NADSYN1: variants seen among roughly 807,000 people sequenced by gnomAD.
The protein encoded by NADSYN1 is glutamine-dependent NAD(+) synthetase.
In NADSYN1, 80 loss-of-function variants were observed where a neutral mutation model predicts 99.3. The observed-to-expected ratio is 0.81, with a 90% CI of 0.67 to 0.97. NADSYN1 has a LOEUF of 0.97. Among genes scored for constraint, NADSYN1 ranks in the 50% least tolerant of loss-of-function variants. The pLI, the probability that NADSYN1 is intolerant of heterozygous loss-of-function variation, is 0.00. For missense variants in NADSYN1, 859 were observed against 948.5 expected (o/e 0.91, Z 1.24); for synonymous variants, 385 against 372.1 (o/e 1.03, Z -0.40).
intron 5 of NADSYN1, among the ~76,000 whole-genome samples, chr11:71,472,135 G>A (rs542332754): frequency 2.6e-5 from 4 of 152,170 alleles, no homozygotes; most frequent in South Asian, 2.1e-4. Context: ...ATGAGGCAAC[G>A]TGGCCAGTTC....
intron 6 of NADSYN1, among the ~76,000 whole-genome samples, 187 bp downstream of exon 6, chr11:71,472,687 A>G (rs1949635443): frequency 1.3e-5 from 2 of 152,188 alleles, no homozygotes; most frequent in Admixed American, 6.5e-5. Flanking sequence ...GACAGCAGCC[A>G]GGGTGGCTCC....
intron 20 of NADSYN1, among the ~76,000 whole-genome samples, chr11:71,500,421 T>A (rs1309554510): frequency 6.6e-6 from 1 of 152,128 alleles, no homozygotes; most frequent in Admixed American, 6.5e-5. Context: ...GGAGATGATT[T>A]TGGTTATCAT....
intron 9 of NADSYN1, chr11:71,474,917 C>T (rs952913975): frequency 2.0e-5 from 6 of 306,134 alleles, no homozygotes; most frequent in Non-Finnish European, 3.3e-5. Context: ...GGGCAGCTTA[C>T]GAGTCCTGCG....
intron 18 of NADSYN1, among the ~76,000 whole-genome samples, chr11:71,495,862 G>A (rs1475573638): frequency 1.3e-5 from 2 of 152,184 alleles, no homozygotes; most frequent in Non-Finnish European, 2.9e-5. Context: ...CCTGGGGTGT[G>A]GTAGGAATGA....
In NADSYN1 at chr11:71,474,443, C is replaced by T. The variant is rs541227984; in HGVS notation, c.715C>T (p.Arg239Cys). 19 of 1,614,172 alleles carry T rather than the reference C, an allele frequency of 1.2e-5. No homozygotes were observed. Among genetic ancestry groups the T allele is most frequent in the African/African-American group, 5.3e-5 (4 of 75,040 alleles). The change falls in exon 9 of 21, where the codon CGC becomes TGC. Residue 239 changes from arginine (R) to cysteine (C), a missense_variant. Transcript: ENST00000319023. ...CAACCAGAAGGGTTGTGACGGGGACCGCCTGTACTACGACGGCTGTGCCAT... is the reference window on the plus strand; with the variant it reads ...CAACCAGAAGGGTTGTGACGGGGACTGCCTGTACTACGACGGCTGTGCCAT... ...LANQKGCDGD[R>C]LYYDGCAMIA...
intron 16 of NADSYN1, among the ~76,000 whole-genome samples, 165 bp from the exon 17 acceptor site, chr11:71,490,680 C>T (rs1005851144): frequency 1.3e-5 from 2 of 152,242 alleles, no homozygotes; most frequent in African/African-American, 4.8e-5. Context: ...GGGTCCTCTG[C>T]AGCCTCTGCC....
At chr11:71,484,929 GTGCATGAGTGCGTC>G (rs1040420610) in intron 15 of NADSYN1, 2 of 187,306 alleles carry the variant, frequency 1.1e-5, no homozygotes, top group African/African-American at 4.6e-5. Flanking sequence ...GCACAGTTGT[GTGCATGAGTGCGTC>G]TGCATGAGTG....
At chr11:71,487,109 G>A (rs932913796) in intron 16 of NADSYN1, among the ~76,000 whole-genome samples, 1 of 152,140 alleles carries the variant, frequency 6.6e-6, no homozygotes, top group Admixed American at 6.5e-5. Context: ...TTGCCTGTCT[G>A]CAGATGTGTT....
intron 5 of NADSYN1, 52 bp downstream of exon 5, chr11:71,464,194 T>C: frequency 2.1e-6 from 3 of 1,415,084 alleles, no homozygotes; most frequent in Non-Finnish European, 2.0e-6. Context: ...ACCTCCGCTG[T>C]GTGTAGCCTT....
chr11:71,484,597 A>G (rs1949729942), intron 15 of NADSYN1, 150 bp downstream of exon 15: 3 of 1,205,204 alleles, frequency 2.5e-6, no homozygotes, highest in Non-Finnish European at 3.4e-6. Flanking sequence ...TGCTGGGGTC[A>G]CAGCCTGTAT....
chr11:71,458,549 G>C lies in NADSYN1; in HGVS notation c.263+5G>C. 1 of 1,594,374 alleles carries C rather than the reference G, an allele frequency of 6.3e-7. No homozygotes were observed. On this transcript the variant is annotated splice_donor_5th_base_variant and intron_variant, in intron 3 of 20. Coordinates refer to ENST00000319023, the MANE Select transcript of NADSYN1 (RefSeq NM_018161.5). ...CATCATCTGCGACGTGGGGATGTAA[G>C]TGCCAGTGTGAGTGTGGAAGGGCAA...
intron 20 of NADSYN1, among the ~76,000 whole-genome samples, chr11:71,500,626 G>A (rs1591139347): frequency 6.6e-6 from 1 of 152,184 alleles, no homozygotes; most frequent in Non-Finnish European, 1.5e-5. Context: ...CTGCATGGTT[G>A]TAAGGAAGAG....
intron 9 of NADSYN1, chr11:71,474,741 G>A (rs1949653504): frequency 7.4e-6 from 4 of 543,522 alleles, no homozygotes; most frequent in East Asian, 3.4e-5. Flanking sequence ...GCTCTCCCCT[G>A]TAAGCCGGGT....
intron 13 of NADSYN1, 84 bp from the exon 14 acceptor site, chr11:71,482,765 C>G (rs1396157940): frequency 6.8e-7 from 1 of 1,469,436 alleles, no homozygotes; most frequent in East Asian, 2.5e-5. Flanking sequence ...GCATGGGCAC[C>G]TGGGGGTGTA....
At chr11:71,497,904 T>A (rs1949830800) in intron 19 of NADSYN1, among the ~76,000 whole-genome samples, 2 of 152,250 alleles carry the variant, frequency 1.3e-5, no homozygotes, top group Non-Finnish European at 2.9e-5. Context: ...CTTTTCTGCC[T>A]GTTGTGAGTC....
chr11:71,500,750 C>T (rs1051177885), intron 20 of NADSYN1, among the ~76,000 whole-genome samples: 1 of 152,158 alleles, frequency 6.6e-6, no homozygotes, highest in African/African-American at 2.4e-5. Flanking sequence ...GGCCAGGTGG[C>T]TGCTGCCCTA....
intron 5 of NADSYN1, among the ~76,000 whole-genome samples, chr11:71,472,072 C>T (rs916198403): frequency 7.9e-5 from 12 of 152,126 alleles, no homozygotes; most frequent in African/African-American, 2.7e-4. Flanking sequence ...GTTAATGCCA[C>T]ACGATTTTTC....
intron 10 of NADSYN1, 147 bp from the exon 11 acceptor site, chr11:71,480,608 G>A (rs930262696): frequency 1.3e-5 from 16 of 1,211,932 alleles, no homozygotes; most frequent in South Asian, 5.6e-5. Context: ...TTTGCTTCTC[G>A]CCATCCTCGT....
intron 17 of NADSYN1, among the ~76,000 whole-genome samples, chr11:71,491,624 C>T (rs995931976): frequency 1.3e-5 from 2 of 152,164 alleles, no homozygotes; most frequent in Admixed American, 6.5e-5. Context: ...CTCCTGGGGT[C>T]GTGAGGCCAC....
Sources: allele counts gnomAD v4.1 joint callset (sites outside exome capture counted in the v4.1 genomes callset), GRCh38; gene constraint gnomAD v4.1.1; transcripts MANE v1.5; gene names NCBI Gene and HGNC (gene_info 2026-07-23, HGNC 2026-07-21).